Variants in FAM53A observed in about 807,000 individuals in gnomAD.
FAM53A encodes protein FAM53A.
In FAM53A, 28 loss-of-function variants were observed where a neutral mutation model predicts 26.6. The observed-to-expected ratio is 1.05, with a 90% CI of 0.78 to 1.45. The LOEUF (loss-of-function observed/expected upper bound fraction) is 1.45, where lower values mean the gene tolerates loss of function less well. FAM53A is among the 40% of genes most tolerant of loss of function. FAM53A has a pLI of 0.00. For synonymous variants in FAM53A, 290 were observed against 253.1 expected (o/e 1.15, Z -1.38); for missense variants, 650 against 575.8 (o/e 1.13, Z -1.32).
the FAM53A span, among the ~76,000 whole-genome samples, chr4:1,596,271 T>G: frequency 6.6e-6 from 1 of 152,232 alleles, no homozygotes; most frequent in African/African-American, 2.4e-5. Flanking sequence ...GCAGGTCCCC[T>G]CTACATAATT....
the FAM53A span, among the ~76,000 whole-genome samples, chr4:1,585,929 G>T: frequency 1.3e-5 from 2 of 152,040 alleles, no homozygotes; most frequent in Non-Finnish European, 2.9e-5. Context: ...TACAGACAGG[G>T]TTTCACCATG....
the FAM53A span, among the ~76,000 whole-genome samples, chr4:1,604,470 C>T: frequency 1.1e-4 from 17 of 152,054 alleles, no homozygotes; most frequent in African/African-American, 3.6e-4. Flanking sequence ...GTGTGCAGGG[C>T]GTGGGGGACA....
intron 1 of FAM53A, among the ~76,000 whole-genome samples, chr4:1,620,702 C>CCAT (rs758783055): frequency 2.6e-5 from 4 of 151,118 alleles, no homozygotes; most frequent in African/African-American, 9.7e-5. Flanking sequence ...AGAAAAAACA[C>CCAT]CACCACCACC....
intron 1 of FAM53A, among the ~76,000 whole-genome samples, chr4:1,627,059 C>A (rs531332262): frequency 1.3e-5 from 2 of 152,284 alleles, no homozygotes; most frequent in East Asian, 3.9e-4. Context: ...CAGGACCAAG[C>A]GTGGCCATGT....
chr4:1,633,101 C>T (rs116260950), intron 1 of FAM53A, among the ~76,000 whole-genome samples: 425 of 152,238 alleles, frequency 2.8e-3, no homozygotes, highest in African/African-American at 9.8e-3. Context: ...CATAGCTTTA[C>T]ACTCATGCTC....
the FAM53A span, among the ~76,000 whole-genome samples, chr4:1,600,169 T>C: frequency 5.3e-5 from 8 of 152,124 alleles, no homozygotes; most frequent in Non-Finnish European, 1.0e-4. Context: ...CAAGCCCTGC[T>C]GCCGGTTTTA....
chr4:1,596,585 C>A, the FAM53A span, among the ~76,000 whole-genome samples: 1 of 152,198 alleles, frequency 6.6e-6, no homozygotes, highest in Admixed American at 6.5e-5. Context: ...AGCTGTGTCA[C>A]TGCAGGCATG....
At chr4:1,579,924 G>T in the FAM53A span, among the ~76,000 whole-genome samples, 1 of 152,196 alleles carries the variant, frequency 6.6e-6, no homozygotes, top group African/African-American at 2.4e-5. Context: ...ATATTGACTC[G>T]AAGGAGAAAC....
intron 1 of FAM53A, among the ~76,000 whole-genome samples, chr4:1,683,194 CA>C (rs1405742089): frequency 6.6e-6 from 1 of 152,208 alleles, no homozygotes; most frequent in Non-Finnish European, 1.5e-5. Context: ...TGTTTCTAAA[CA>C]ATGTCAGTTT....
rs1429424821 is a variant in FAM53A, at chr4:1,630,463, C to T, written c.432-12352G>A. ...ATGTGGCCAGTGGGCCGCGGTTTGC[C>T]GACCCCCAACTCATGGATCACGTGT... On this transcript the variant is annotated intron_variant, in intron 1 of 1. Transcript: ENST00000489029. The surrounding 1 kb of genome is among the most constrained non-coding windows in gnomAD (Gnocchi z 4.3). Among the ~76,000 whole-genome samples, 3 of 152,218 alleles carry T rather than the reference C, an allele frequency of 2.0e-5. No homozygotes were observed. The highest frequency in any genetic ancestry group is 3.8e-4 in the East Asian group (2 of 5,196).
chr4:1,668,203 G>A (rs374320766), intron 2 of FAM53A, among the ~76,000 whole-genome samples: 2 of 151,686 alleles, frequency 1.3e-5, no homozygotes, highest in African/African-American at 2.4e-5. Flanking sequence ...GCAGTGGAGC[G>A]ATCTCGGCTC....
chr4:1,590,297 C>T, the FAM53A span, among the ~76,000 whole-genome samples: 4 of 152,084 alleles, frequency 2.6e-5, no homozygotes, highest in South Asian at 2.1e-4. Context: ...ATAAGCAGCC[C>T]GACTCCATTT....
chr4:1,630,725 CA>C lies in FAM53A; in HGVS notation c.432-12615del, dbSNP rs1440507439. Among the ~76,000 whole-genome samples, 2 of 152,236 alleles carry C rather than the reference CA, an allele frequency of 1.3e-5. No individual in the cohort carries two copies. Among genetic ancestry groups the C allele is most frequent in the East Asian group, 3.9e-4 (2 of 5,170 alleles). ...GAAATGCCCAGCTCCACAGAGACAA[CA>C]AGCGGAGGGGAGGCTGCCAGGGCAG... is the stretch of plus-strand genomic sequence containing the variant. On this transcript the variant is annotated intron_variant, in intron 1 of 1. Transcript: ENST00000489029. The surrounding 1 kb of genome is among the most constrained non-coding windows in gnomAD (Gnocchi z 4.3).
the FAM53A span, among the ~76,000 whole-genome samples, chr4:1,585,283 T>C: frequency 1.1e-5 from 1 of 88,176 alleles, no homozygotes; most frequent in East Asian, 2.9e-4. Flanking sequence ...TCTCTTTTTT[T>C]TTTTTTTTTT....
chr4:1,585,314 G>T, the FAM53A span, among the ~76,000 whole-genome samples: 3 of 3,480 alleles, frequency 8.6e-4, no homozygotes, highest in Non-Finnish European at 1.4e-3. Context: ...ACAGAGTCTT[G>T]CTCTGTCACT....
Position 1,626,971 on chromosome 4 carries a change from G to T in FAM53A, c.432-8860C>A, listed in dbSNP as rs545609098. On this transcript the variant is annotated intron_variant, in intron 1 of 1. Transcript: ENST00000489029. ...GGCCTGGCCTGGAGGCTGCCTGAGGGCAGGGGCTGTGGGACAGGACAGACT... is the reference window on the plus strand; with the variant it reads ...GGCCTGGCCTGGAGGCTGCCTGAGGTCAGGGGCTGTGGGACAGGACAGACT... Among the ~76,000 whole-genome samples, 4 of 152,338 alleles carry T rather than the reference G, an allele frequency of 2.6e-5. No homozygotes were observed. The East Asian group carries it at 7.7e-4, about 29-fold the overall frequency.
At position 1,640,372 on chromosome 4, in the gene FAM53A, G is replaced by A; in HGVS notation, c.*921C>T. The A allele has an allele frequency of 3.9e-6, 1 of 254,930 alleles. No homozygotes were observed. The allele number at this position is 254,930 out of a possible 1,614,324, so 15.8% of individuals were successfully genotyped here. A position where few individuals can be genotyped will look rare whatever the true frequency, so the allele number is the denominator to read the frequency against. On this transcript the variant is annotated 3_prime_UTR_variant, in exon 5 of 5. Transcript: ENST00000308132. ...GGACACACGGGGCCAGTGGGACTCT[G>A]ACCACCAACGCCCGGGGTTTCCTAG...
Position 1,640,397 on chromosome 4 carries a change from G to A in FAM53A, c.*896C>T. ...GACCACCAACGCCCGGGGTTTCCTA[G>A]CAACTAAAGCACACAAGGCGCCCTG... On this transcript the variant is annotated 3_prime_UTR_variant, in exon 5 of 5. Transcript: ENST00000308132. 3.9e-6 allele frequency: 1 copy of A among 258,536 alleles called. No individual in the cohort carries two copies. Among genetic ancestry groups the A allele is most frequent in the Non-Finnish European group, 7.4e-6 (1 of 135,790 alleles). 16.0% of individuals were successfully genotyped at this position (258,536 alleles called of 1,614,324 possible).
chr4:1,577,981 G>A, the FAM53A span, among the ~76,000 whole-genome samples: 1 of 152,106 alleles, frequency 6.6e-6, no homozygotes, highest in Admixed American at 6.5e-5. Flanking sequence ...TGCTCTGGGG[G>A]TTCTCCCCAT....
Sources: allele counts gnomAD v4.1 joint callset (sites outside exome capture counted in the v4.1 genomes callset), GRCh38; gene constraint gnomAD v4.1.1; non-coding constraint Gnocchi (gnomAD v3.1); transcripts MANE v1.5; gene names NCBI Gene and HGNC (gene_info 2026-07-23, HGNC 2026-07-21).